The following ANKRD11 variants were observed in gnomAD, a reference collection of about 807,000 sequenced individuals.
ANKRD11 encodes ankyrin repeat domain-containing protein 11.
ANKRD11 carries 17 observed loss-of-function variants against 195.7 expected under a neutral mutation model. The observed-to-expected ratio is 0.09, with a 90% CI of 0.06 to 0.13. ANKRD11 has a LOEUF of 0.13. ANKRD11 is among the 10% of genes least tolerant of loss of function. The pLI is 1.00. For synonymous variants in ANKRD11, 1,953 were observed against 1,528.1 expected (o/e 1.28, Z -6.49); for missense variants, 3,735 against 3,566.1 (o/e 1.05, Z -1.21).
chr16:89,403,005 C>A (rs2041763271), intron 2 of ANKRD11, among the ~76,000 whole-genome samples: 1 of 152,180 alleles, frequency 6.6e-6, no homozygotes, highest in Admixed American at 6.5e-5. Flanking sequence ...GTCACCTCAG[C>A]CCCACCATCA....
chr16:89,301,787 G>A (rs1597532941), intron 4 of ANKRD11, among the ~76,000 whole-genome samples: 1 of 152,224 alleles, frequency 6.6e-6, no homozygotes, highest in East Asian at 1.9e-4. Context: ...TTCTTGGCAG[G>A]CGGCCCCCAG....
In ANKRD11 at chr16:89,285,657, A is replaced by G; in HGVS notation, c.893-8T>C. 6.2e-7 allele frequency: 1 copy of G among 1,613,990 alleles called. No homozygotes were observed. On this transcript the variant is annotated splice_region_variant and splice_polypyrimidine_tract_variant and intron_variant, in intron 8 of 12. Transcript: ENST00000301030. This position sits in a 1 kb window ranked among gnomAD's most constrained non-coding sequence, Gnocchi z 5.6. ...CTTCCTCTTCTGAGCTCTCTGTTGG[A>G]GGTAGGAAGCGAGAGGTCACAGGCA...
At chr16:89,409,889 G>A (rs770267752) in intron 2 of ANKRD11, among the ~76,000 whole-genome samples, 4 of 149,226 alleles carry the variant, frequency 2.7e-5, no homozygotes, top group South Asian at 2.1e-4. Context: ...GCCCAGGCTG[G>A]AGTGTAGTGG....
rs1316012126 is a variant in ANKRD11, at chr16:89,301,219, G to A, written c.226+3987C>T. ...CCTCCTAGCCTCAAGGGATCCTCCC[G>A]CCAAAGTGCTGGAAGGGTGAAGGGT... On this transcript the variant is annotated intron_variant, in intron 4 of 12. Transcript: ENST00000301030. 10 of 409,498 alleles carry A rather than the reference G, an allele frequency of 2.4e-5. No individual in the cohort carries two copies. In the East Asian group the frequency reaches 3.4e-4, roughly 14 times the overall value. 25.4% of individuals were successfully genotyped at this position (409,498 alleles called of 1,614,324 possible).
rs1178174007 is a variant in ANKRD11, at chr16:89,464,431, AC to A, written c.-145+25813del. On this transcript the variant is annotated intron_variant, in intron 1 of 12. Coordinates refer to ENST00000301030, the MANE Select transcript of ANKRD11 (RefSeq NM_013275.6). Reference sequence around the variant, plus strand: ...AGACCAGCCAGGCCAACATGGTGAAACCTCATCTCTACTAAAAATACAAAAA... The same window carrying A: ...AGACCAGCCAGGCCAACATGGTGAAACTCATCTCTACTAAAAATACAAAAA... Among the ~76,000 whole-genome samples, 6 of 151,868 alleles carry A rather than the reference AC, an allele frequency of 4.0e-5. No individual in the cohort carries two copies. The East Asian group carries it at 1.2e-3, about 29-fold the overall frequency.
chr16:89,302,188 T>A (rs945845489), intron 4 of ANKRD11, among the ~76,000 whole-genome samples: 11 of 152,190 alleles, frequency 7.2e-5, no homozygotes, highest in Non-Finnish European at 1.5e-4. Context: ...GCGGCGTGTG[T>A]GAGAGCCACA....
At chr16:89,349,910 A>ATT (rs2039130757) in intron 2 of ANKRD11, among the ~76,000 whole-genome samples, 1 of 81,536 alleles carries the variant, frequency 1.2e-5, no homozygotes. Flanking sequence ...ACACACACAC[A>ATT]CATATTCAAA....
chr16:89,421,512 G>A (rs1225566730), intron 1 of ANKRD11, among the ~76,000 whole-genome samples: 5 of 102,824 alleles, frequency 4.9e-5, no homozygotes, highest in Admixed American at 9.1e-5. Context: ...ACGAAGGGTC[G>A]GTGTGTGGTG....
intron 2 of ANKRD11, chr16:89,325,174 T>A (rs1005868656): frequency 6.6e-6 from 1 of 152,376 alleles, no homozygotes; most frequent in African/African-American, 2.4e-5. Flanking sequence ...GTTTGCGGCG[T>A]GCCACTAGGA....
intron 2 of ANKRD11, among the ~76,000 whole-genome samples, chr16:89,372,438 AG>A (rs939286579): frequency 1.1e-4 from 16 of 152,130 alleles, no homozygotes; most frequent in African/African-American, 3.9e-4. Flanking sequence ...GCGGAGTGAG[AG>A]GCGGCTCAGG....
chr16:89,465,915 T>A (rs1416106307), intron 1 of ANKRD11, among the ~76,000 whole-genome samples: 1 of 152,152 alleles, frequency 6.6e-6, no homozygotes, highest in Non-Finnish European at 1.5e-5. Context: ...TTTCACCGTG[T>A]TAGCCAGGAT....
intron 1 of ANKRD11, chr16:89,420,309 T>C (rs1179328216): frequency 2.0e-5 from 3 of 152,208 alleles, no homozygotes; most frequent in African/African-American, 7.2e-5. Flanking sequence ...GCAAGCTCAC[T>C]GCCACTGGCA....
At chr16:89,443,387 A>G (rs2043620031) in intron 1 of ANKRD11, 1 of 152,166 alleles carries the variant, frequency 6.6e-6, no homozygotes, top group African/African-American at 2.4e-5. Context: ...CCCCTGTGCA[A>G]TGATGACATG....
rs115931816 is a variant in ANKRD11, at chr16:89,358,212, C to T, written c.-59-41134G>A. 8.0e-3 allele frequency among the ~76,000 whole-genome samples: 1,224 copies of T among 152,356 alleles called. 24 individuals are homozygous for T. The highest frequency in any genetic ancestry group is 0.028 in the African/African-American group (1,166 of 41,580). On this transcript the variant is annotated intron_variant, in intron 2 of 12. Transcript: ENST00000301030. ...GGGCAGACACAGGCCACAGCCCCCACACCTCACTCTGGCATCAGCACTGGT... is the reference window on the plus strand; with the variant it reads ...GGGCAGACACAGGCCACAGCCCCCATACCTCACTCTGGCATCAGCACTGGT...
At chr16:89,318,947 T>G (rs2151926269) in intron 2 of ANKRD11, among the ~76,000 whole-genome samples, 1 of 152,300 alleles carries the variant, frequency 6.6e-6, no homozygotes, top group East Asian at 1.9e-4. Flanking sequence ...TCTTCCAATT[T>G]TCCACCACAA....
At chr16:89,287,402 T>C (rs1449611754) in intron 7 of ANKRD11, 1 of 237,382 alleles carries the variant, frequency 4.2e-6, no homozygotes, top group Non-Finnish European at 8.5e-6. Flanking sequence ...TTGGGGGCCA[T>C]TATCCTGCCT....
intron 2 of ANKRD11, among the ~76,000 whole-genome samples, chr16:89,317,627 T>C (rs1567635062): frequency 6.6e-6 from 1 of 152,124 alleles, no homozygotes; most frequent in Non-Finnish European, 1.5e-5. Flanking sequence ...AAGGGGTGTC[T>C]CTGAGCGAGT....
Position 89,284,205 on chromosome 16 carries a change from C to A in ANKRD11, c.2337G>T (p.Lys779Asn), listed in dbSNP as rs1348777057. The A allele has an allele frequency of 1.2e-6, 2 of 1,611,064 alleles. No homozygotes were observed. Among genetic ancestry groups the A allele is most frequent in the Non-Finnish European group, 1.7e-6 (2 of 1,179,396 alleles). ...SKDRPSKLEKKNDLKEDKISK... is the reference protein window; with the variant it reads ...SKDRPSKLEKNNDLKEDKISK... ...AAATTTTGTCCTCTTTTAAATCATTCTTCTTCTCTAATTTTGAGGGCCGGT... is the reference window on the plus strand; with the variant it reads ...AAATTTTGTCCTCTTTTAAATCATTATTCTTCTCTAATTTTGAGGGCCGGT... Residue 779 changes from lysine (K) to asparagine (N), a missense_variant, in exon 9 of 13, where the codon AAG (lysine) becomes AAT (asparagine). Lys to Asn is a moderately conservative substitution (Grantham distance 94). Coordinates refer to ENST00000301030, the MANE Select transcript of ANKRD11 (RefSeq NM_013275.6).
At chr16:89,376,684 C>G (rs2040436616) in intron 2 of ANKRD11, among the ~76,000 whole-genome samples, 1 of 152,216 alleles carries the variant, frequency 6.6e-6, no homozygotes, top group Non-Finnish European at 1.5e-5. Context: ...AGCGATCCAC[C>G]CACCTTGGCC....
Sources: gnomAD v4.1 joint callset for allele counts (sites outside exome capture counted in the v4.1 genomes callset) on GRCh38, gnomAD v4.1.1 for gene constraint, Gnocchi (gnomAD v3.1) non-coding constraint, MANE v1.5 for transcripts, NCBI Gene and HGNC (gene_info 2026-07-23, HGNC 2026-07-21) for gene names.